WNT2: variants seen among roughly 807,000 people sequenced by gnomAD.
The protein encoded by WNT2 is Wnt family member 2.
Under a neutral mutation model 36.9 loss-of-function variants are expected in WNT2, and 12 were observed. The observed-to-expected ratio is 0.33, with a 90% confidence interval of 0.21 to 0.53. The LOEUF (loss-of-function observed/expected upper bound fraction) is 0.53. WNT2 is among the 20% of genes least tolerant of loss of function. WNT2 has a pLI of 0.95. For missense variants in WNT2, 379 were observed against 473.1 expected, an observed-to-expected ratio of 0.80 and a Z score of 1.84; for synonymous variants, 163 against 174.6, an observed-to-expected ratio of 0.93 and a Z score of 0.52.
rs936009258 is a variant in WNT2, at chr7:117,322,640, T to G, written c.83+267A>C. The stretch of plus-strand genomic sequence containing the variant: ...AGGATAAGAAATTGGCTGATTTTGC[T>G]GTCGCTCAGCTGGATCCAAATAAAC... On this transcript the variant is annotated intron_variant, in intron 1 of 4. Coordinates refer to ENST00000265441, the MANE Select transcript of WNT2 (RefSeq NM_003391.3). This position sits in a 1 kb window ranked among gnomAD's most constrained non-coding sequence, Gnocchi z 5.4. 1.3e-5 allele frequency among the ~76,000 whole-genome samples: 2 copies of G among 152,088 alleles called. No individual in the cohort carries two copies. The highest frequency in any genetic ancestry group is 4.8e-5 in the African/African-American group (2 of 41,382).
chr7:117,300,094 G>A (rs1410269701), intron 3 of WNT2, among the ~76,000 whole-genome samples: 1 of 152,054 alleles, frequency 6.6e-6, no homozygotes, highest in South Asian at 2.1e-4. Flanking sequence ...TTCCAGCTTG[G>A]AGCATGTGCT....
At chr7:117,282,134 T>A (rs1794500054) in intron 4 of WNT2, among the ~76,000 whole-genome samples, 1 of 152,196 alleles carries the variant, frequency 6.6e-6, no homozygotes, top group South Asian at 2.1e-4. Context: ...GAAAAACTAG[T>A]CATTGCTATT....
chr7:117,317,755 G>A (rs1203507675), intron 2 of WNT2, among the ~76,000 whole-genome samples: 1 of 152,158 alleles, frequency 6.6e-6, no homozygotes, highest in African/African-American at 2.4e-5. Flanking sequence ...GATAAATCAA[G>A]CAATGCCTAT....
chr7:117,281,012 A>G (rs905196479), intron 4 of WNT2, among the ~76,000 whole-genome samples: 2 of 152,252 alleles, frequency 1.3e-5, no homozygotes, highest in Admixed American at 6.5e-5. Context: ...AAATAGATCC[A>G]TCAACTGCAC....
At chr7:117,318,834 A>G (rs973143138) in intron 2 of WNT2, among the ~76,000 whole-genome samples, 4 of 152,190 alleles carry the variant, frequency 2.6e-5, no homozygotes, top group African/African-American at 9.7e-5. Context: ...CCTTCATCTC[A>G]GCAATTCTAC....
chr7:117,281,053 G>A (rs1794475167), intron 4 of WNT2, among the ~76,000 whole-genome samples: 3 of 152,166 alleles, frequency 2.0e-5, no homozygotes, highest in Middle Eastern at 3.2e-3. Context: ...ATTAGAGATA[G>A]GTGTAAAGGA....
At position 117,303,454 on chromosome 7, in the gene WNT2, A is replaced by G. The variant is rs1794946645; in HGVS notation, c.589-5578T>C. Among the ~76,000 whole-genome samples, 4 of 152,168 alleles carry G rather than the reference A, an allele frequency of 2.6e-5. No homozygotes were observed. The South Asian group carries it at 8.3e-4, about 32-fold the overall frequency. ...GTGGTGGCCAGTGTCCAAGCCAAAT[A>G]CCAATGGATCAATGGATAAGTGGGC... On this transcript the variant is annotated intron_variant, in intron 3 of 4. Coordinates refer to ENST00000265441, the MANE Select transcript of WNT2 (RefSeq NM_003391.3).
At chr7:117,315,920 C>A (rs1452831187) in intron 2 of WNT2, among the ~76,000 whole-genome samples, 1 of 152,220 alleles carries the variant, frequency 6.6e-6, no homozygotes, top group African/African-American at 2.4e-5. Flanking sequence ...CAGTAACCAG[C>A]CCCTTGCATT....
chr7:117,315,921 C>T (rs1562831386), intron 2 of WNT2, among the ~76,000 whole-genome samples: 1 of 152,168 alleles, frequency 6.6e-6, no homozygotes, highest in African/African-American at 2.4e-5. Context: ...AGTAACCAGC[C>T]CCTTGCATTA....
At chr7:117,302,858 G>A (rs565440883) in intron 3 of WNT2, among the ~76,000 whole-genome samples, 14 of 152,172 alleles carry the variant, frequency 9.2e-5, no homozygotes, top group South Asian at 2.1e-4. Context: ...TATAGCTGGC[G>A]GAAAAAGGGA....
In WNT2 at chr7:117,278,325, C is replaced by T. The variant is rs199536746; in HGVS notation, c.913G>A (p.Glu305Lys). Reference protein sequence around the residue: ...NLTSRGMDSCEVMCCGRGYDT... With the variant: ...NLTSRGMDSCKVMCCGRGYDT... ...TAGCCTCTCCCACAGCACATGACTT[C>T]ACAGCTGTCCATGCCCCGGGAAGTC... Residue 305 changes from glutamate to lysine, a missense_variant, in exon 5 of 5, where the codon GAA becomes AAA. Glu to Lys is a moderately conservative substitution (Grantham distance 56, BLOSUM62 1). Transcript: ENST00000265441. 25 of 1,614,106 alleles carry T rather than the reference C, an allele frequency of 1.5e-5. No individual in the cohort carries two copies. The highest frequency in any genetic ancestry group is 2.1e-5 in the Non-Finnish European group (25 of 1,180,048).
At chr7:117,289,992 C>A (rs745742676) in intron 4 of WNT2, among the ~76,000 whole-genome samples, 7 of 152,060 alleles carry the variant, frequency 4.6e-5, no homozygotes, top group Non-Finnish European at 7.4e-5. Flanking sequence ...GCAGGCAGTA[C>A]CATTTTCTGA....
At chr7:117,321,755 C>T (rs145444653) in intron 1 of WNT2, among the ~76,000 whole-genome samples, 1 of 152,208 alleles carries the variant, frequency 6.6e-6, no homozygotes, top group African/African-American at 2.4e-5. Context: ...GTTTATACAC[C>T]CATGGAAACA....
chr7:117,290,575 A>G (rs893326225), intron 4 of WNT2, among the ~76,000 whole-genome samples: 1 of 152,236 alleles, frequency 6.6e-6, no homozygotes, highest in Non-Finnish European at 1.5e-5. Flanking sequence ...ATGAATTTCT[A>G]TAAGTGTCAA....
chr7:117,282,115 C>T (rs1199764909), intron 4 of WNT2, among the ~76,000 whole-genome samples: 1 of 152,004 alleles, frequency 6.6e-6, no homozygotes, highest in Non-Finnish European at 1.5e-5. Context: ...ACCTAAAGTA[C>T]AAAAATGGGA....
At chr7:117,294,730 T>C (rs192151839) in intron 4 of WNT2, among the ~76,000 whole-genome samples, 181 of 152,312 alleles carry the variant, frequency 1.2e-3, no homozygotes, top group Middle Eastern at 3.4e-3. Flanking sequence ...GTAAGTTATA[T>C]AGCTTTCTTC....
chr7:117,322,659 A>G lies in WNT2; in HGVS notation c.83+248T>C, dbSNP rs1404199495. ...TTTTGCTGTCGCTCAGCTGGATCCA[A>G]ATAAACCAAACATCGGAGCTCTCAT... On this transcript the variant is annotated intron_variant, in intron 1 of 4. Transcript: ENST00000265441. This position sits in a 1 kb window ranked among gnomAD's most constrained non-coding sequence, Gnocchi z 5.4. Among the ~76,000 whole-genome samples, 2 of 152,014 alleles carry G rather than the reference A, an allele frequency of 1.3e-5. No individual in the cohort carries two copies. Among genetic ancestry groups the G allele is most frequent in the Non-Finnish European group, 2.9e-5 (2 of 67,992 alleles).
At chr7:117,321,023 C>T (rs1440350354) in intron 1 of WNT2, among the ~76,000 whole-genome samples, 1 of 152,206 alleles carries the variant, frequency 6.6e-6, no homozygotes, top group Non-Finnish European at 1.5e-5. Context: ...GCTGTGATGA[C>T]TGTCTGTTGG....
intron 4 of WNT2, among the ~76,000 whole-genome samples, chr7:117,279,562 A>T (rs575456080): frequency 6.6e-6 from 1 of 152,312 alleles, no homozygotes; most frequent in South Asian, 2.1e-4. Context: ...TCCACAGAAA[A>T]ACAGAAATGA....
Sources: allele counts gnomAD v4.1 joint callset (sites outside exome capture counted in the v4.1 genomes callset), GRCh38; gene constraint gnomAD v4.1.1; non-coding constraint Gnocchi (gnomAD v3.1); transcripts MANE v1.5; gene names NCBI Gene and HGNC (gene_info 2026-07-23, HGNC 2026-07-21).